Variants in GAPVD1 observed in about 807,000 individuals in gnomAD.
The protein encoded by GAPVD1 is GTPase activating protein and VPS9 domains 1.
A neutral mutation model predicts 155.5 loss-of-function variants in GAPVD1; 35 were observed. The observed-to-expected ratio is 0.23, with a 90% CI of 0.17 to 0.30. GAPVD1 has a LOEUF of 0.30. Ranked by LOEUF, GAPVD1 falls within the 10% of genes least tolerant of loss-of-function variation. The pLI is 1.00. For synonymous variants in GAPVD1, 636 were observed against 619.7 expected (o/e 1.03, Z -0.39); for missense variants, 1,429 against 1,775.7 (o/e 0.80, Z 3.51).
At position 125,354,740 on chromosome 9, in the gene GAPVD1, G is replaced by C. The variant is rs1849810988; in HGVS notation, c.3656G>C (p.Arg1219Thr). ...TQAHLERLLQ[R>T]VLRDKEVANR... ...GCTCACCTGGAAAGGCTATTGCAAA[G>C]AGTTTTGCGGGACAAAGAAGTGGCC... Residue 1219 changes from arginine to threonine, a missense_variant, in exon 24 of 28, where the codon AGA becomes ACA. Physicochemically the swap from Arg to Thr is moderately conservative, Grantham distance 71. Transcript: ENST00000297933. 1 of 1,613,452 alleles carries C rather than the reference G, an allele frequency of 6.2e-7. No homozygotes were observed. Among genetic ancestry groups the C allele is most frequent in the African/African-American group, 1.3e-5 (1 of 74,914 alleles).
chr9:125,302,545 A>C lies in GAPVD1; in HGVS notation c.748A>C (p.Met250Leu). The C allele has an allele frequency of 6.2e-7, 1 of 1,613,970 alleles. No homozygotes were observed. The highest frequency in any genetic ancestry group is 8.5e-7 in the Non-Finnish European group (1 of 1,179,844). ...TAGATTCAGGCAAAAAGTTCAAGAA[A>C]TGGTGGAGTCCAATGAAGCAAAGCT... is the stretch of plus-strand genomic sequence containing the variant. ...SDRFRQKVQE[M>L]VESNEAKLVA... The change falls in exon 5 of 28, where the codon ATG becomes CTG. Residue 250 changes from methionine to leucine, a missense_variant. By Grantham distance (15) the Met-to-Leu change is conservative (BLOSUM62 2). Coordinates refer to ENST00000297933, the MANE Select transcript of GAPVD1 (RefSeq NM_001282680.3).
intron 24 of GAPVD1, 36 bp from the exon 25 acceptor site, chr9:125,355,608 A>G (rs746634821): frequency 1.6e-6 from 2 of 1,213,108 alleles, no homozygotes; most frequent in South Asian, 2.7e-5. Flanking sequence ...GATAGTTTTT[A>G]TTAAACTATT....
At chr9:125,305,197 T>C (rs956855454) in intron 6 of GAPVD1, 48 bp downstream of exon 6, 4 of 1,199,090 alleles carry the variant, frequency 3.3e-6, no homozygotes, top group Non-Finnish European at 4.9e-6. Flanking sequence ...TTAGTGAGCC[T>C]AACTGTTCTC....
At chr9:125,334,082 A>C in intron 15 of GAPVD1, among the ~76,000 whole-genome samples, 1 of 152,218 alleles carries the variant, frequency 6.6e-6, no homozygotes, top group East Asian at 1.9e-4. Flanking sequence ...TCCATGGACC[A>C]CTGAGGTCCT....
At chr9:125,299,148 A>G (rs371617062) in intron 4 of GAPVD1, 42 bp downstream of exon 4, 10 of 1,034,960 alleles carry the variant, frequency 9.7e-6, no homozygotes, top group African/African-American at 8.0e-5. Context: ...GTGAACCACT[A>G]TGATTCTGTA....
chr9:125,313,366 C>T (rs1349314013), intron 9 of GAPVD1, among the ~76,000 whole-genome samples: 2 of 149,942 alleles, frequency 1.3e-5, no homozygotes, highest in Admixed American at 6.7e-5. Flanking sequence ...TGCAGTGGCA[C>T]GATCTCAGCT....
chr9:125,312,878 T>C (rs1462725355), intron 9 of GAPVD1, among the ~76,000 whole-genome samples: 1 of 152,134 alleles, frequency 6.6e-6, no homozygotes, highest in Non-Finnish European at 1.5e-5. Context: ...TGGAGTGCAA[T>C]AGCACGATCT....
At chr9:125,326,218 T>C (rs1293983251) in intron 11 of GAPVD1, among the ~76,000 whole-genome samples, 198 bp from the exon 12 acceptor site, 2 of 152,160 alleles carry the variant, frequency 1.3e-5, no homozygotes, top group Non-Finnish European at 2.9e-5. Context: ...AAATGCTAGA[T>C]TAAGAAGTGA....
chr9:125,345,460 G>C (rs550042317), intron 19 of GAPVD1, among the ~76,000 whole-genome samples: 1 of 152,166 alleles, frequency 6.6e-6, no homozygotes, highest in African/African-American at 2.4e-5. Flanking sequence ...GATTACAGGC[G>C]TGAGCCACCG....
Position 125,326,591 on chromosome 9 carries a change from T to C in GAPVD1, c.2032+2T>C. 1 of 1,601,172 alleles carries C rather than the reference T, an allele frequency of 6.2e-7. No individual in the cohort carries two copies. The highest frequency in any genetic ancestry group is 8.6e-7 in the Non-Finnish European group (1 of 1,168,826). Reference sequence around the variant, plus strand: ...AAGATCGCTTGCAAGAAATTGCAGGTAACTGCCATTTAATGTCTCTGAAAT... The same window carrying C: ...AAGATCGCTTGCAAGAAATTGCAGGCAACTGCCATTTAATGTCTCTGAAAT... On this transcript the variant is annotated splice_donor_variant, in intron 12 of 27. Coordinates refer to ENST00000297933, the MANE Select transcript of GAPVD1 (RefSeq NM_001282680.3). LOFTEE classifies it high-confidence loss of function.
At chr9:125,361,215 C>T (rs530463023) in intron 27 of GAPVD1, among the ~76,000 whole-genome samples, 215 of 152,064 alleles carry the variant, frequency 1.4e-3, no homozygotes, top group Non-Finnish European at 2.5e-3. Context: ...GATGGGAGGA[C>T]TAGATTCCTA....
chr9:125,273,062 C>T (rs359594), intron 2 of GAPVD1, among the ~76,000 whole-genome samples: 91,343 of 152,040 alleles, frequency 0.6, 29,567 homozygotes, highest in African/African-American at 0.87. Flanking sequence ...CTAAGGATTT[C>T]AGATTGTTCT....
chr9:125,317,714 AT>A (rs568265215), intron 9 of GAPVD1, among the ~76,000 whole-genome samples: 51 of 150,020 alleles, frequency 3.4e-4, no homozygotes, highest in Middle Eastern at 3.4e-3. Context: ...CTTTAAATCA[AT>A]TTTTTTTTTA....
intron 4 of GAPVD1, among the ~76,000 whole-genome samples, chr9:125,301,206 C>T (rs116263518): frequency 0.012 from 1,816 of 152,028 alleles, 38 homozygotes; most frequent in African/African-American, 0.041. Context: ...AGTGCTGGGC[C>T]TACAGGCACA....
At chr9:125,310,883 A>G (rs934327306) in intron 8 of GAPVD1, among the ~76,000 whole-genome samples, 9 of 149,068 alleles carry the variant, frequency 6.0e-5, no homozygotes, top group Admixed American at 5.4e-4. Context: ...TTTATCGCGC[A>G]GGCTGGAGTG....
At chr9:125,298,090 CT>C (rs1840162724) in intron 3 of GAPVD1, among the ~76,000 whole-genome samples, 1 of 151,932 alleles carries the variant, frequency 6.6e-6, no homozygotes, top group Non-Finnish European at 1.5e-5. Flanking sequence ...AGAACAGACT[CT>C]AGAAGTACAA....
rs1848578507 is a variant in GAPVD1 at position 125,346,814 on chromosome 9, T to C, written c.3047-5T>C. On this transcript the variant is annotated splice_region_variant and splice_polypyrimidine_tract_variant and intron_variant, in intron 19 of 27. Transcript: ENST00000297933. ...CTAATTCTCTCACTCTCCTTTCCCTTGCAGATGATCCCAGCCCTAGACTCA... is the reference window on the plus strand; with the variant it reads ...CTAATTCTCTCACTCTCCTTTCCCTCGCAGATGATCCCAGCCCTAGACTCA... 1 of 1,612,982 alleles carries C rather than the reference T, an allele frequency of 6.2e-7. No individual in the cohort carries two copies.
intron 17 of GAPVD1, 70 bp downstream of exon 17, chr9:125,337,661 A>G: frequency 1.5e-6 from 2 of 1,331,098 alleles, no homozygotes; most frequent in Non-Finnish European, 1.0e-6. Flanking sequence ...TGAAATTAAC[A>G]TGGAATATAT....
At chr9:125,285,616 C>T (rs1405411880) in intron 2 of GAPVD1, among the ~76,000 whole-genome samples, 1 of 151,736 alleles carries the variant, frequency 6.6e-6, no homozygotes, top group Admixed American at 6.6e-5. Flanking sequence ...TCCGCCACCA[C>T]ACCCGGCTAA....
Sources: gnomAD v4.1 joint callset for allele counts (sites outside exome capture counted in the v4.1 genomes callset) on GRCh38, gnomAD v4.1.1 for gene constraint, MANE v1.5 for transcripts, NCBI Gene and HGNC (gene_info 2026-07-23, HGNC 2026-07-21) for gene names.